The following ARPC1B variants were observed in gnomAD, a reference collection of about 807,000 sequenced individuals.
ARPC1B encodes actin-related protein 2/3 complex subunit 1B.
ARPC1B carries 29 observed loss-of-function variants against 46.0 expected under a neutral mutation model. The ratio of observed to expected loss-of-function variants is 0.63; its 90% confidence interval spans 0.47 to 0.86. The LOEUF is 0.86. Among genes scored for constraint, ARPC1B ranks in the 40% least tolerant of loss-of-function variants. ARPC1B has a pLI of 0.00. For synonymous variants in ARPC1B, 201 were observed against 213.9 expected (o/e 0.94, Z 0.53); for missense variants, 469 against 529.4 (o/e 0.89, Z 1.12).
chr7:99,394,223 T>C, intron 9 of ARPC1B, 104 bp downstream of exon 9: 1 of 1,293,914 alleles, frequency 7.7e-7, no homozygotes, highest in Non-Finnish European at 1.1e-6. Context: ...CCTGCAGAGA[T>C]GGCACTGCAT....
chr7:99,380,764 CTG>C (rs1274210385), intron 1 of ARPC1B, among the ~76,000 whole-genome samples: 1 of 152,340 alleles, frequency 6.6e-6, no homozygotes, highest in East Asian at 1.9e-4. Context: ...ATGTCAGAGT[CTG>C]TGCATCAACC....
chr7:99,388,331 C>T, intron 4 of ARPC1B, 70 bp downstream of exon 4: 2 of 1,480,370 alleles, frequency 1.4e-6, no homozygotes, highest in Non-Finnish European at 1.9e-6. Flanking sequence ...CCCCGGGAAG[C>T]ACCAAATGGG....
Position 99,391,052 on chromosome 7 carries a change from A to G in ARPC1B, c.660A>G (p.Val220=). 6.2e-7 allele frequency: 1 copy of G among 1,613,968 alleles called. No homozygotes were observed. The highest frequency in any genetic ancestry group is 8.5e-7 in the Non-Finnish European group (1 of 1,179,968). ...CCAGCGGGAGCCGCGTGGCCTGGGT[A>G]AGCCACGACAGCACCGTCTGCCTGG... is the stretch of plus-strand genomic sequence containing the variant. ...FSASGSRVAW[V]SHDSTVCLAD... The change falls in exon 6 of 10, where the codon GTA becomes GTG. Residue 220 remains valine, a synonymous_variant. Transcript: ENST00000646101.
In ARPC1B at chr7:99,391,233, G is replaced by A. The variant is rs1363115097; in HGVS notation, c.763G>A (p.Asp255Asn). The stretch of plus-strand genomic sequence containing the variant: ...ACTGCTGGCGCTGACCTTCATCACA[G>A]ACAACAGCCTGGTGGCAGCGGTGAG... ...LPLLALTFIT[D>N]NSLVAAGHDC... The change falls in exon 7 of 10, where the codon GAC becomes AAC. Residue 255 changes from aspartate (D) to asparagine (N), a missense_variant. Asp to Asn is a conservative substitution (Grantham distance 23). Coordinates refer to ENST00000646101, the MANE Select transcript of ARPC1B (RefSeq NM_005720.4). The A allele has an allele frequency of 3.1e-6, 5 of 1,613,852 alleles. No individual in the cohort carries two copies. Among genetic ancestry groups the A allele is most frequent in the Non-Finnish European group, 4.2e-6 (5 of 1,179,974 alleles).
chr7:99,385,849 TG>T, intron 2 of ARPC1B, 71 bp downstream of exon 2: 2 of 1,483,258 alleles, frequency 1.3e-6, no homozygotes, highest in African/African-American at 2.8e-5. Context: ...AGAGCACACA[TG>T]GGGACTCTGG....
intron 3 of ARPC1B, among the ~76,000 whole-genome samples, chr7:99,387,662 G>A (rs1389127629): frequency 4.0e-5 from 6 of 150,670 alleles, no homozygotes; most frequent in African/African-American, 7.4e-5. Context: ...GCTTGAACCC[G>A]GAAGATGGTG....
intron 7 of ARPC1B, 108 bp downstream of exon 7, chr7:99,391,361 T>G: frequency 8.6e-7 from 1 of 1,159,068 alleles, no homozygotes; most frequent in Non-Finnish European, 1.2e-6. Flanking sequence ...CCTTTTTTTC[T>G]TCCTTGCATT....
Position 99,392,771 on chromosome 7 carries a change from G to C in ARPC1B, c.884G>C (p.Gly295Ala), listed in dbSNP as rs1319697601. ...GTTCCTAAGCAGAGCTCGCAGCGTG[G>C]CTTGACGGCCCGCGAGCGCTTCCAG... is the stretch of plus-strand genomic sequence containing the variant. The part of the protein sequence containing the change: ...LDVPKQSSQR[G>A]LTARERFQNL... The change falls in exon 8 of 10, where the codon GGC (glycine) becomes GCC (alanine). Residue 295 changes from glycine to alanine, a missense_variant. Physicochemically the swap from Gly to Ala is moderately conservative, Grantham distance 60. Transcript: ENST00000646101. The C allele has an allele frequency of 6.5e-7, 1 of 1,549,706 alleles. No homozygotes were observed. Among genetic ancestry groups the C allele is most frequent in the African/African-American group, 1.4e-5 (1 of 73,054 alleles).
intron 4 of ARPC1B, 44 bp downstream of exon 4, chr7:99,388,305 G>A: frequency 3.8e-6 from 6 of 1,595,352 alleles, no homozygotes; most frequent in East Asian, 2.2e-5. Flanking sequence ...AGGGACCGGG[G>A]GCAGGACTAG....
chr7:99,380,237 G>A (rs1241339758), intron 1 of ARPC1B, among the ~76,000 whole-genome samples: 2 of 152,160 alleles, frequency 1.3e-5, no homozygotes, highest in Non-Finnish European at 2.9e-5. Context: ...CCCTGAGGCA[G>A]GAGACTGGAG....
Position 99,394,786 on chromosome 7 carries a change from A to G in ARPC1B, c.*297A>G, listed in dbSNP as rs1283036672. ...TAATAAAATGCAACTGTGTAAAAAA[A>G]AAAAAAAAAAAAAAAGTAATTATGG... On this transcript the variant is annotated 3_prime_UTR_variant, in exon 10 of 10. Coordinates refer to ENST00000646101, the MANE Select transcript of ARPC1B (RefSeq NM_005720.4). The G allele has an allele frequency of 8.1e-7, 1 of 1,228,890 alleles. No individual in the cohort carries two copies. The highest frequency in any genetic ancestry group is 1.0e-6 in the Non-Finnish European group (1 of 986,058). The allele number at this position is 1,228,890 out of a possible 1,614,324, so 76.1% of individuals were successfully genotyped here. A position where few individuals can be genotyped will look rare whatever the true frequency, so the allele number is the denominator to read the frequency against.
intron 8 of ARPC1B, among the ~76,000 whole-genome samples, chr7:99,393,532 CT>C (rs1261838909): frequency 6.6e-6 from 1 of 151,952 alleles, no homozygotes; most frequent in Non-Finnish European, 1.5e-5. Flanking sequence ...TTCTATGGAT[CT>C]AGGGTGGGAT....
intron 1 of ARPC1B, among the ~76,000 whole-genome samples, chr7:99,385,361 G>T (rs1246711897): frequency 6.6e-6 from 1 of 151,712 alleles, no homozygotes; most frequent in African/African-American, 2.4e-5. Context: ...TGACAAGTGA[G>T]GGGCCTGTCC....
At chr7:99,386,640 C>A in intron 2 of ARPC1B, 45 bp from the exon 3 acceptor site, 2 of 1,392,706 alleles carry the variant, frequency 1.4e-6, no homozygotes, top group Non-Finnish European at 2.0e-6. Context: ...TGGCAGAGGG[C>A]AGTCATGGAG....
chr7:99,385,305 TGGG>T (rs3052177), intron 1 of ARPC1B, among the ~76,000 whole-genome samples: 20,227 of 62,246 alleles, frequency 0.32, 3,898 homozygotes, highest in African/African-American at 0.58. Context: ...GGAAGTTGGG[TGGG>T]GGGGGGGGGG....
chr7:99,378,516 TAAAAAC>T (rs970528604), intron 1 of ARPC1B, among the ~76,000 whole-genome samples: 1 of 151,216 alleles, frequency 6.6e-6, no homozygotes, highest in African/African-American at 2.4e-5. Flanking sequence ...CCATCTCTAC[TAAAAAC>T]AAAAACAAAA....
At chr7:99,391,641 T>TTCG (rs1794573601) in intron 7 of ARPC1B, among the ~76,000 whole-genome samples, 1 of 151,316 alleles carries the variant, frequency 6.6e-6, no homozygotes, top group Non-Finnish European at 1.5e-5. Flanking sequence ...ATAATCCCAG[T>TTCG]TACTTGGGAG....
intron 1 of ARPC1B, among the ~76,000 whole-genome samples, chr7:99,385,291 C>A (rs1794351127): frequency 4.5e-5 from 1 of 22,440 alleles, no homozygotes; most frequent in African/African-American, 1.5e-4. Flanking sequence ...CTTAATGGGG[C>A]AGGGGAAGTT....
intron 2 of ARPC1B, chr7:99,386,387 G>T (rs1284326813): frequency 5.5e-6 from 3 of 547,202 alleles, no homozygotes; most frequent in Non-Finnish European, 1.0e-5. Flanking sequence ...GGGAGGGGCT[G>T]GCAGGTGCAG....
Sources: gnomAD v4.1 joint callset for allele counts (sites outside exome capture counted in the v4.1 genomes callset) on GRCh38, gnomAD v4.1.1 for gene constraint, MANE v1.5 for transcripts, NCBI Gene and HGNC (gene_info 2026-07-23, HGNC 2026-07-21) for gene names.